Variants in AGAP1 observed in about 807,000 individuals in gnomAD.
The protein encoded by AGAP1 is ArfGAP with GTPase domain, ankyrin repeat and PH domain 1, also known as arf-GAP with GTPase, ANK repeat and PH domain-containing protein 1.
AGAP1 carries 29 observed loss-of-function variants against 105.3 expected under a neutral mutation model. The ratio of observed to expected loss-of-function variants is 0.28; its 90% CI spans 0.21 to 0.38. The LOEUF (loss-of-function observed/expected upper bound fraction) is 0.38. Among genes scored for constraint, AGAP1 ranks in the 10% least tolerant of loss-of-function variants. The pLI, the probability that AGAP1 is intolerant of heterozygous loss-of-function variation, is 1.00. For missense variants in AGAP1, 998 were observed against 1,165.1 expected, an observed-to-expected ratio of 0.86 and a Z score of 2.09; for synonymous variants, 509 against 485.9, an observed-to-expected ratio of 1.05 and a Z score of -0.63.
chr2:235,593,184 G>T (rs1386434994), intron 1 of AGAP1, among the ~76,000 whole-genome samples: 2 of 152,162 alleles, frequency 1.3e-5, no homozygotes, highest in South Asian at 2.1e-4. Context: ...TCTCAAGCTG[G>T]CATTCAGACG....
chr2:235,834,413 C>T (rs191884241), intron 9 of AGAP1, among the ~76,000 whole-genome samples: 9 of 152,298 alleles, frequency 5.9e-5, no homozygotes, highest in Admixed American at 4.6e-4. Flanking sequence ...TCCTCTGTCC[C>T]TGCCTGCTGG....
rs989529814 is a variant in AGAP1, at chr2:236,001,995, A to T, written c.1645+33372A>T. ...GATTGGAAGCTTGCGTTGCACATTC[A>T]GCCCACGCCTCCATGGCTGGTCCTG... On this transcript the variant is annotated intron_variant, in intron 13 of 17. Coordinates refer to ENST00000304032, the MANE Select transcript of AGAP1 (RefSeq NM_001037131.3). This position sits in a 1 kb window ranked among gnomAD's most constrained non-coding sequence, Gnocchi z 4.7. 6.6e-6 allele frequency among the ~76,000 whole-genome samples: 1 copy of T among 152,170 alleles called. No homozygotes were observed. The highest frequency in any genetic ancestry group is 1.5e-5 in the Non-Finnish European group (1 of 68,038).
chr2:235,887,000 C>T (rs987711697), intron 10 of AGAP1, among the ~76,000 whole-genome samples: 4 of 152,088 alleles, frequency 2.6e-5, no homozygotes, highest in Admixed American at 6.5e-5. Context: ...ACCCACGAGC[C>T]GAATCCAGAT....
At position 235,908,707 on chromosome 2, in the gene AGAP1, ATC is replaced by A. The variant is rs770316587; in HGVS notation, c.1156-25_1156-24del. 3.6e-6 allele frequency: 5 copies of A among 1,387,686 alleles called. No homozygotes were observed. The South Asian group carries it at 6.5e-5, about 18-fold the overall frequency. The allele number at this position is 1,387,686 out of a possible 1,614,324, so 86.0% of individuals were successfully genotyped here. A position where few individuals can be genotyped will look rare whatever the true frequency, so the allele number is the denominator to read the frequency against. ...TGTAAAAGGTCTTTTTTTTTTTTTT[ATC>A]TCTCTTGGATGTTTAACATTTTCAA... On this transcript the variant is annotated intron_variant, in intron 10 of 17. Transcript: ENST00000304032. The surrounding 1 kb of genome is among the most constrained non-coding windows in gnomAD (Gnocchi z 4.4).
In AGAP1 at chr2:235,843,923, G is replaced by T. The variant is rs1961163298; in HGVS notation, c.1050+36592G>T. ...GTGGAGCTGGCCGAGAAAGGAGCCT[G>T]CTTCCCAGCATGGCCTCACATTGTC... On this transcript the variant is annotated intron_variant, in intron 9 of 17. Transcript: ENST00000304032. The surrounding 1 kb of genome is among the most constrained non-coding windows in gnomAD (Gnocchi z 5.9). 6.6e-6 allele frequency among the ~76,000 whole-genome samples: 1 copy of T among 152,204 alleles called. No homozygotes were observed. The highest frequency in any genetic ancestry group is 1.5e-5 in the Non-Finnish European group (1 of 68,038).
intron 9 of AGAP1, among the ~76,000 whole-genome samples, chr2:235,876,317 C>T (rs573091484): frequency 6.6e-6 from 1 of 152,300 alleles, no homozygotes; most frequent in East Asian, 1.9e-4. Flanking sequence ...TAATGATTCT[C>T]AGGAAAAATT....
At chr2:235,921,848 A>T (rs942136541) in intron 11 of AGAP1, among the ~76,000 whole-genome samples, 24 of 152,222 alleles carry the variant, frequency 1.6e-4, no homozygotes, top group Admixed American at 4.6e-4. Flanking sequence ...AAATCCTCTC[A>T]GCCTGAAATT....
At chr2:235,941,688 G>A (rs184711548) in intron 12 of AGAP1, among the ~76,000 whole-genome samples, 15 of 152,086 alleles carry the variant, frequency 9.9e-5, no homozygotes, top group South Asian at 6.2e-4. Context: ...GCGCTTTATC[G>A]TATGCAGTGG....
chr2:235,532,811 C>T (rs1204691355), intron 1 of AGAP1, among the ~76,000 whole-genome samples: 1 of 152,144 alleles, frequency 6.6e-6, no homozygotes, highest in Admixed American at 6.5e-5. Context: ...GGCAGTGAGC[C>T]GTGCCATTCC....
chr2:235,842,101 C>T lies in AGAP1; in HGVS notation c.1050+34770C>T, dbSNP rs573191601. ...CTCTCGTTGGAAGCCCAGGCTCACT[C>T]CATGGCTGCCCCTCTCCCCAGCCTG... On this transcript the variant is annotated intron_variant, in intron 9 of 17. Coordinates refer to ENST00000304032, the MANE Select transcript of AGAP1 (RefSeq NM_001037131.3). The surrounding 1 kb of genome is among the most constrained non-coding windows in gnomAD (Gnocchi z 5.3). Among the ~76,000 whole-genome samples, 7 of 152,312 alleles carry T rather than the reference C, an allele frequency of 4.6e-5. No individual in the cohort carries two copies. The South Asian group carries it at 1.5e-3, about 32-fold the overall frequency.
In AGAP1 at chr2:235,934,625, C is replaced by T. The variant is rs1191061599; in HGVS notation, c.1483+3702C>T. Among the ~76,000 whole-genome samples the T allele has an allele frequency of 6.6e-6, 1 of 152,162 alleles. No homozygotes were observed. Among genetic ancestry groups the T allele is most frequent in the Non-Finnish European group, 1.5e-5 (1 of 68,032 alleles). On this transcript the variant is annotated intron_variant, in intron 12 of 17. Transcript: ENST00000304032. The surrounding 1 kb of genome is among the most constrained non-coding windows in gnomAD (Gnocchi z 4.9). Reference sequence around the variant, plus strand: ...CAGAAGAAACAAACATGATTAAGAGCTTTCTGTCATGCTCTTTCTTCTTAA... The same window carrying T: ...CAGAAGAAACAAACATGATTAAGAGTTTTCTGTCATGCTCTTTCTTCTTAA...
chr2:235,817,619 G>C (rs1027318260), intron 9 of AGAP1, among the ~76,000 whole-genome samples: 4 of 152,090 alleles, frequency 2.6e-5, no homozygotes, highest in Non-Finnish European at 4.4e-5. Flanking sequence ...GGTTGGGTGC[G>C]GTGCGTCATG....
chr2:235,561,987 C>T (rs1944168667), intron 1 of AGAP1, among the ~76,000 whole-genome samples: 1 of 152,148 alleles, frequency 6.6e-6, no homozygotes, highest in African/African-American at 2.4e-5. Flanking sequence ...AGCAAACCAG[C>T]TCATACCTTG....
At chr2:236,091,832 C>T (rs915441454) in intron 16 of AGAP1, among the ~76,000 whole-genome samples, 8 of 152,124 alleles carry the variant, frequency 5.3e-5, no homozygotes, top group Non-Finnish European at 2.9e-5. Context: ...TTCTTAGTGG[C>T]GTTGTTCGTA....
Position 235,931,505 on chromosome 2 carries a change from G to A in AGAP1, c.1483+582G>A, listed in dbSNP as rs972262429. Among the ~76,000 whole-genome samples the A allele has an allele frequency of 2.0e-5, 3 of 152,034 alleles. No homozygotes were observed. The highest frequency in any genetic ancestry group is 3.9e-4 in the East Asian group (2 of 5,114). On this transcript the variant is annotated intron_variant, in intron 12 of 17. Coordinates refer to ENST00000304032, the MANE Select transcript of AGAP1 (RefSeq NM_001037131.3). The surrounding 1 kb of genome is among the most constrained non-coding windows in gnomAD (Gnocchi z 5.6). ...GGGAATAAGCATGCACGTTGGAAACGATCTCGCCGTCTGTGTGGAGCGTGA... is the reference window on the plus strand; with the variant it reads ...GGGAATAAGCATGCACGTTGGAAACAATCTCGCCGTCTGTGTGGAGCGTGA...
At chr2:235,699,135 C>T (rs73999039) in intron 1 of AGAP1, among the ~76,000 whole-genome samples, 11,872 of 147,264 alleles carry the variant, frequency 0.081, 1,538 homozygotes, top group African/African-American at 0.27. Context: ...AAGAACTGGT[C>T]GGGCAGGACG....
At position 235,964,861 on chromosome 2, in the gene AGAP1, G is replaced by A. The variant is rs186240376; in HGVS notation, c.1484-3601G>A. 5.3e-5 allele frequency among the ~76,000 whole-genome samples: 8 copies of A among 152,336 alleles called. No individual in the cohort carries two copies. Among genetic ancestry groups the A allele is most frequent in the African/African-American group, 1.9e-4 (8 of 41,576 alleles). ...CAGTCTAGGCTTGGGGGTAAGGTAAGAACTGGACCAGGGGTACGTGGTGCT... is the reference window on the plus strand; with the variant it reads ...CAGTCTAGGCTTGGGGGTAAGGTAAAAACTGGACCAGGGGTACGTGGTGCT... On this transcript the variant is annotated intron_variant, in intron 12 of 17. Transcript: ENST00000304032. This position sits in a 1 kb window ranked among gnomAD's most constrained non-coding sequence, Gnocchi z 4.6.
intron 5 of AGAP1, among the ~76,000 whole-genome samples, chr2:235,748,283 G>A (rs895467709): frequency 1.3e-5 from 2 of 152,186 alleles, no homozygotes; most frequent in South Asian, 2.1e-4. Flanking sequence ...GAGGGGCTGC[G>A]GGATTGCTCG....
intron 1 of AGAP1, among the ~76,000 whole-genome samples, chr2:235,568,167 C>T (rs543062485): frequency 6.6e-6 from 1 of 152,116 alleles, no homozygotes; most frequent in Non-Finnish European, 1.5e-5. Flanking sequence ...TGAAAGGAGG[C>T]CCCTGAAGGT....
Sources: allele counts gnomAD v4.1 joint callset (sites outside exome capture counted in the v4.1 genomes callset), GRCh38; gene constraint gnomAD v4.1.1; non-coding constraint Gnocchi (gnomAD v3.1); transcripts MANE v1.5; gene names NCBI Gene and HGNC (gene_info 2026-07-23, HGNC 2026-07-21).